SLC4A4: variants seen among roughly 807,000 people sequenced by gnomAD.
SLC4A4 encodes electrogenic sodium bicarbonate cotransporter 1.
Under a neutral mutation model 111.5 loss-of-function variants are expected in SLC4A4, and 27 were observed. The observed-to-expected ratio is 0.24, with a 90% CI of 0.18 to 0.33. SLC4A4 has a LOEUF of 0.33. SLC4A4 is among the 10% of genes least tolerant of loss of function. SLC4A4 has a pLI of 1.00. For synonymous variants in SLC4A4, 443 were observed against 463.4 expected (o/e 0.96, Z 0.57); for missense variants, 909 against 1,315.5 (o/e 0.69, Z 4.78).
At chr4:71,513,679 G>A (rs1486046235) in intron 16 of SLC4A4, among the ~76,000 whole-genome samples, 1 of 152,146 alleles carries the variant, frequency 6.6e-6, no homozygotes, top group Non-Finnish European at 1.5e-5. Context: ...TAGGAGTTGT[G>A]AAAGTGGATA....
intron 3 of SLC4A4, among the ~76,000 whole-genome samples, chr4:71,258,453 T>G (rs1721615529): frequency 6.6e-6 from 1 of 152,184 alleles, no homozygotes; most frequent in South Asian, 2.1e-4. Flanking sequence ...AGCTTACAGG[T>G]TTGTCTTGAG....
intron 1 of SLC4A4, among the ~76,000 whole-genome samples, chr4:71,063,208 T>C (rs534151868): frequency 6.6e-6 from 1 of 152,322 alleles, no homozygotes; most frequent in South Asian, 2.1e-4. Flanking sequence ...GTCATACCCA[T>C]GGATCATTTT....
intron 16 of SLC4A4, among the ~76,000 whole-genome samples, chr4:71,514,816 T>C (rs968018050): frequency 1.3e-5 from 2 of 152,300 alleles, no homozygotes; most frequent in South Asian, 4.1e-4. Context: ...CTTTGTATTT[T>C]TGTTGTATGA....
chr4:71,366,700 A>C (rs896247565), intron 6 of SLC4A4, among the ~76,000 whole-genome samples: 1 of 152,184 alleles, frequency 6.6e-6, no homozygotes, highest in Admixed American at 6.5e-5. Context: ...TAGACAAGGC[A>C]TACATAATAT....
rs1405794558 is a variant in SLC4A4, at chr4:71,486,364, A to C, written c.1904-584A>C. 2.0e-5 allele frequency among the ~76,000 whole-genome samples: 3 copies of C among 151,656 alleles called. No individual in the cohort carries two copies. The East Asian group carries it at 5.8e-4, about 30-fold the overall frequency. On this transcript the variant is annotated intron_variant, in intron 14 of 25. Transcript: ENST00000264485. ...AGGTTCTTCTTCAAGTGCCATCTTC[A>C]ACCTATAAATGACGCCACATTATAT...
intron 7 of SLC4A4, among the ~76,000 whole-genome samples, chr4:71,424,085 C>T (rs1274395372): frequency 1.3e-5 from 2 of 152,068 alleles, no homozygotes; most frequent in Non-Finnish European, 2.9e-5. Context: ...TTTTCGCAAC[C>T]TACTCTTCTG....
At chr4:71,194,234 G>A (rs1002261959) in intron 1 of SLC4A4, among the ~76,000 whole-genome samples, 1 of 152,048 alleles carries the variant, frequency 6.6e-6, no homozygotes, top group Non-Finnish European at 1.5e-5. Flanking sequence ...GGAGTTATGA[G>A]GAACAGATAA....
chr4:71,549,228 T>C (rs1301587365), intron 20 of SLC4A4, among the ~76,000 whole-genome samples: 1 of 151,926 alleles, frequency 6.6e-6, no homozygotes, highest in African/African-American at 2.4e-5. Context: ...TTTCACAGCA[T>C]TGAATCTGCT....
intron 13 of SLC4A4, among the ~76,000 whole-genome samples, chr4:71,466,979 G>GAGAGAGAGT (rs1363275518): frequency 6.9e-6 from 1 of 145,820 alleles, no homozygotes. Flanking sequence ...GAGAGAGAGA[G>GAGAGAGAGT]GTCTGAGTAT....
intron 6 of SLC4A4, among the ~76,000 whole-genome samples, chr4:71,373,730 A>G (rs1732091186): frequency 6.6e-6 from 1 of 152,226 alleles, no homozygotes. Context: ...GGAATCAGTT[A>G]GGAGATGATT....
At chr4:71,168,227 G>T (rs1162287237) in intron 2 of SLC4A4, among the ~76,000 whole-genome samples, 1 of 141,638 alleles carries the variant, frequency 7.1e-6, no homozygotes, top group African/African-American at 2.8e-5. Flanking sequence ...TGTTGCTCAG[G>T]CTGGAGTACA....
intron 16 of SLC4A4, among the ~76,000 whole-genome samples, chr4:71,514,692 A>AT (rs1434898673): frequency 1.3e-5 from 2 of 151,878 alleles, no homozygotes; most frequent in Admixed American, 6.6e-5. Context: ...ATCTTTTGAG[A>AT]TTTTCTATTT....
intron 4 of SLC4A4, among the ~76,000 whole-genome samples, chr4:71,342,681 G>A (rs191545254): frequency 6.6e-6 from 1 of 152,236 alleles, no homozygotes; most frequent in East Asian, 1.9e-4. Flanking sequence ...TTTCATTTCA[G>A]TCAAATGCAG....
rs371150026 is a variant in SLC4A4 at position 71,331,058 on chromosome 4, G to A, written c.254-8312G>A. ...ACCATCTCACACCAGTTAGAATGGC[G>A]ATCATTAAAAAGTCAGGAAACAACA... is the stretch of plus-strand genomic sequence containing the variant. On this transcript the variant is annotated intron_variant, in intron 3 of 25. Transcript: ENST00000264485. Among the ~76,000 whole-genome samples the A allele has an allele frequency of 1.9e-4, 29 of 152,122 alleles. 1 individual carries two copies. Among genetic ancestry groups the A allele is most frequent in the East Asian group, 1.4e-3 (7 of 5,174 alleles).
At chr4:71,144,559 T>C (rs562439542) in intron 2 of SLC4A4, among the ~76,000 whole-genome samples, 35 of 152,028 alleles carry the variant, frequency 2.3e-4, no homozygotes, top group African/African-American at 8.4e-4. Context: ...TTTCACGATA[T>C]TGATTCTTCC....
At chr4:71,529,184 G>A (rs1733704310) in intron 16 of SLC4A4, among the ~76,000 whole-genome samples, 1 of 152,016 alleles carries the variant, frequency 6.6e-6, no homozygotes, top group African/African-American at 2.4e-5. Context: ...AAACAGCCCT[G>A]ATTTGGATTT....
intron 6 of SLC4A4, among the ~76,000 whole-genome samples, chr4:71,373,642 A>G (rs1190783306): frequency 6.6e-6 from 1 of 152,200 alleles, no homozygotes; most frequent in Non-Finnish European, 1.5e-5. Flanking sequence ...TGGAAGGTCT[A>G]TGAAAGTTTT....
chr4:71,299,819 C>A lies in SLC4A4; in HGVS notation c.254-39551C>A, dbSNP rs12331334. 1.1e-3 allele frequency among the ~76,000 whole-genome samples: 170 copies of A among 152,260 alleles called. 1 individual carries two copies. The South Asian group carries it at 0.012, about 11-fold the overall frequency. On this transcript the variant is annotated intron_variant, in intron 3 of 25. Transcript: ENST00000264485. Reference sequence around the variant, plus strand: ...TGTCCCTTATGGGAGAGTCATACACCAGGGCTGGGCTGGAGCAGCCAGCCA... The same window carrying A: ...TGTCCCTTATGGGAGAGTCATACACAAGGGCTGGGCTGGAGCAGCCAGCCA...
At chr4:71,123,569 A>T (rs921839397) in intron 2 of SLC4A4, among the ~76,000 whole-genome samples, 6 of 152,212 alleles carry the variant, frequency 3.9e-5, no homozygotes, top group Non-Finnish European at 8.8e-5. Flanking sequence ...CTTTTATTTA[A>T]TATTTTACCT....
Sources: gnomAD v4.1 joint callset for allele counts (sites outside exome capture counted in the v4.1 genomes callset) on GRCh38, gnomAD v4.1.1 for gene constraint, MANE v1.5 for transcripts, NCBI Gene and HGNC (gene_info 2026-07-23, HGNC 2026-07-21) for gene names.